Variants in LARP1B observed in about 807,000 individuals in gnomAD.
The protein encoded by LARP1B is La ribonucleoprotein 1B, also known as la-related protein 1B.
LARP1B carries 76 observed loss-of-function variants against 114.2 expected under a neutral mutation model. The observed-to-expected ratio is 0.67, with a 90% CI of 0.55 to 0.81. The LOEUF is 0.81. LARP1B is among the 30% of genes least tolerant of loss of function. The pLI, the probability that LARP1B is intolerant of heterozygous loss-of-function variation, is 0.00. For missense variants in LARP1B, 1,014 were observed against 1,075.8 expected, an observed-to-expected ratio of 0.94 and a Z score of 0.80; for synonymous variants, 345 against 348.0, an observed-to-expected ratio of 0.99 and a Z score of 0.10.
intron 12 of LARP1B, among the ~76,000 whole-genome samples, chr4:128,167,415 A>C (rs1420425754): frequency 1.3e-5 from 2 of 151,810 alleles, no homozygotes; most frequent in Non-Finnish European, 2.9e-5. Flanking sequence ...TAATTGGATT[A>C]TTTGCATTCT....
At chr4:128,156,553 C>A (rs1483669799) in intron 11 of LARP1B, among the ~76,000 whole-genome samples, 1 of 152,138 alleles carries the variant, frequency 6.6e-6, no homozygotes, top group African/African-American at 2.4e-5. Context: ...CTCTCCATCA[C>A]CCTCTTCCTG....
At chr4:128,137,200 A>G (rs1277224060) in intron 11 of LARP1B, among the ~76,000 whole-genome samples, 3 of 151,994 alleles carry the variant, frequency 2.0e-5, no homozygotes, top group Non-Finnish European at 2.9e-5. Context: ...CTGCACTTCA[A>G]CCTGGGCGAC....
intron 11 of LARP1B, among the ~76,000 whole-genome samples, chr4:128,128,788 T>A (rs1790487373): frequency 6.6e-6 from 1 of 152,136 alleles, no homozygotes; most frequent in Non-Finnish European, 1.5e-5. Flanking sequence ...ACAATTTACA[T>A]TGGCACCCAA....
chr4:128,143,753 T>C (rs1729078174), intron 11 of LARP1B, among the ~76,000 whole-genome samples: 1 of 150,832 alleles, frequency 6.6e-6, no homozygotes, highest in African/African-American at 2.4e-5. Flanking sequence ...GTATAGGTAT[T>C]GGAGAAATGA....
At chr4:128,098,779 T>A (rs1332970847) in intron 8 of LARP1B, among the ~76,000 whole-genome samples, 1,596 of 44,542 alleles carry the variant, frequency 0.036, 69 homozygotes, top group African/African-American at 0.066. Context: ...TTTTTTTTTT[T>A]TTTTTTTTTT....
intron 12 of LARP1B, among the ~76,000 whole-genome samples, chr4:128,169,793 C>T (rs1742754696): frequency 6.6e-6 from 1 of 152,064 alleles, no homozygotes; most frequent in Non-Finnish European, 1.5e-5. Flanking sequence ...TGTGCCACCA[C>T]ACCTGGCTAA....
At chr4:128,068,111 A>G (rs1207245981) in intron 1 of LARP1B, among the ~76,000 whole-genome samples, 1 of 152,036 alleles carries the variant, frequency 6.6e-6, no homozygotes, top group East Asian at 1.9e-4. Context: ...CGATCTCCTG[A>G]CCTCGTGATC....
Position 128,091,117 on chromosome 4 carries a change from A to C in LARP1B, c.475A>C (p.Arg159=). Residue 159 remains arginine (R), a synonymous_variant, in exon 6 of 20, where the codon AGA becomes CGA. Coordinates refer to ENST00000326639, the MANE Select transcript of LARP1B (RefSeq NM_018078.4). ...TCGAGGAAGAGGCCGAGGACGGGGAAGAGGACGAGGCAGAGGAAATCCTCG... is the reference window on the plus strand; with the variant it reads ...TCGAGGAAGAGGCCGAGGACGGGGACGAGGACGAGGCAGAGGAAATCCTCG... ...RGRGRGRGRG[R]GRGRGNPRLN... The C allele has an allele frequency of 6.2e-7, 1 of 1,613,854 alleles. No homozygotes were observed. Among genetic ancestry groups the C allele is most frequent in the Non-Finnish European group, 8.5e-7 (1 of 1,179,842 alleles).
At chr4:128,195,545 A>G (rs1201438672) in intron 15 of LARP1B, among the ~76,000 whole-genome samples, 2 of 152,178 alleles carry the variant, frequency 1.3e-5, no homozygotes, top group African/African-American at 2.4e-5. Context: ...AACATTTTAC[A>G]TGCATTGTTT....
intron 15 of LARP1B, among the ~76,000 whole-genome samples, chr4:128,194,486 T>C (rs1266412635): frequency 6.7e-6 from 1 of 149,702 alleles, no homozygotes; most frequent in Non-Finnish European, 1.5e-5. Flanking sequence ...ATTGAGACCA[T>C]CCTGGCTAAC....
chr4:128,088,368 A>T (rs924067884), intron 5 of LARP1B, among the ~76,000 whole-genome samples: 2 of 152,198 alleles, frequency 1.3e-5, no homozygotes, highest in Non-Finnish European at 2.9e-5. Flanking sequence ...TCGCCATGCA[A>T]TGTGACTTTA....
chr4:128,168,839 T>C (rs1459492630), intron 12 of LARP1B, among the ~76,000 whole-genome samples: 1 of 152,086 alleles, frequency 6.6e-6, no homozygotes, highest in African/African-American at 2.4e-5. Context: ...CGTCATAAAA[T>C]GAGTTGGTAA....
At chr4:128,209,470 G>T (rs111777669) in intron 19 of LARP1B, among the ~76,000 whole-genome samples, 3 of 152,232 alleles carry the variant, frequency 2.0e-5, no homozygotes, top group South Asian at 2.1e-4. Context: ...GGGCTACAGA[G>T]TGAGACTCCG....
intron 4 of LARP1B, among the ~76,000 whole-genome samples, chr4:128,081,803 C>G (rs1388149448): frequency 6.6e-6 from 1 of 152,240 alleles, no homozygotes; most frequent in Admixed American, 6.5e-5. Flanking sequence ...GGCACGATCT[C>G]GGCTCACTGC....
intron 11 of LARP1B, among the ~76,000 whole-genome samples, chr4:128,125,293 T>G (rs1789196584): frequency 6.6e-6 from 1 of 151,808 alleles, no homozygotes; most frequent in Middle Eastern, 3.2e-3. Flanking sequence ...TACCCAAAAG[T>G]GCACCAAGAT....
At chr4:128,093,886 G>C (rs1019646828) in intron 7 of LARP1B, among the ~76,000 whole-genome samples, 2 of 151,324 alleles carry the variant, frequency 1.3e-5, no homozygotes, top group African/African-American at 2.4e-5. Context: ...AATTTTTGTA[G>C]TTTTAGTAGA....
At chr4:128,188,435 TTTG>T (rs910055557) in intron 15 of LARP1B, among the ~76,000 whole-genome samples, 1 of 152,184 alleles carries the variant, frequency 6.6e-6, no homozygotes, top group African/African-American at 2.4e-5. Flanking sequence ...GTTTGTTGAT[TTTG>T]TTTATCTTTT....
At chr4:128,198,197 T>A (rs947700253) in intron 15 of LARP1B, among the ~76,000 whole-genome samples, 1 of 152,138 alleles carries the variant, frequency 6.6e-6, no homozygotes, top group Non-Finnish European at 1.5e-5. Flanking sequence ...CATTGTAGTT[T>A]AATATGCTGC....
chr4:128,142,808 T>C (rs1254974805), intron 11 of LARP1B, among the ~76,000 whole-genome samples: 3 of 151,602 alleles, frequency 2.0e-5, no homozygotes, highest in East Asian at 2.0e-4. Context: ...GTGCCTGGGT[T>C]ATGTTGTATA....
Sources: gnomAD v4.1 joint callset for allele counts (sites outside exome capture counted in the v4.1 genomes callset) on GRCh38, gnomAD v4.1.1 for gene constraint, MANE v1.5 for transcripts, NCBI Gene and HGNC (gene_info 2026-07-23, HGNC 2026-07-21) for gene names.